PLD2: variants seen among roughly 807,000 people sequenced by gnomAD.
PLD2 encodes choline phosphatase 2.
PLD2 carries 101 observed loss-of-function variants against 119.8 expected under a neutral mutation model. That is an observed-to-expected ratio of 0.84 (90% CI 0.72 to 0.99). The LOEUF is 0.99. Ranked by LOEUF, PLD2 falls within the 50% of genes least tolerant of loss-of-function variation. PLD2 has a pLI of 0.00. For synonymous variants in PLD2, 494 were observed against 482.8 expected (o/e 1.02, Z -0.30); for missense variants, 1,164 against 1,226.8 (o/e 0.95, Z 0.76).
Position 4,817,271 on chromosome 17 carries a change from C to A in PLD2, c.1815+12C>A, listed in dbSNP as rs374293788. On this transcript the variant is annotated intron_variant, in intron 17 of 24. Coordinates refer to ENST00000263088, the MANE Select transcript of PLD2 (RefSeq NM_002663.5). ...GCACCACCGTACAGGTGAGGCCCCC[C>A]ACTTCAGCCAGCCCTCCCCTTTGTC... The A allele has an allele frequency of 5.9e-5, 90 of 1,529,864 alleles. No individual in the cohort carries two copies. Among genetic ancestry groups the A allele is most frequent in the Non-Finnish European group, 7.3e-5 (80 of 1,102,944 alleles). The allele number at this position is 1,529,864 out of a possible 1,614,324, so 94.8% of individuals were successfully genotyped here. A position where few individuals can be genotyped will look rare whatever the true frequency, so the allele number is the denominator to read the frequency against.
In PLD2 at chr17:4,814,865, C is replaced by G. The variant is rs559962377; in HGVS notation, c.1173+154C>G. On this transcript the variant is annotated intron_variant, in intron 12 of 24. Coordinates refer to ENST00000263088, the MANE Select transcript of PLD2 (RefSeq NM_002663.5). ...AGCACCTGTCAGACATCACCTCCGCCCTCTCCCTCTGCCCTAAGGAGAACT... is the reference window on the plus strand; with the variant it reads ...AGCACCTGTCAGACATCACCTCCGCGCTCTCCCTCTGCCCTAAGGAGAACT... Among the ~76,000 whole-genome samples the G allele has an allele frequency of 3.3e-5, 5 of 152,170 alleles. No individual in the cohort carries two copies. In the South Asian group the frequency reaches 1.0e-3, roughly 32 times the overall value.
chr17:4,820,124 AG>A, intron 23 of PLD2, among the ~76,000 whole-genome samples: 2 of 147,682 alleles, frequency 1.4e-5, no homozygotes, highest in East Asian at 4.2e-4. Flanking sequence ...TTGTATTTTT[AG>A]TAGAGATGGG....
At chr17:4,814,247 C>T (rs1015322669) in intron 10 of PLD2, 171 bp from the exon 11 acceptor site, 57 of 926,402 alleles carry the variant, frequency 6.2e-5, no homozygotes, top group Non-Finnish European at 7.7e-5. Flanking sequence ...TTGTATTTAG[C>T]GCATATGGGC....
chr17:4,808,067 GTCACAGCCCA>G lies in PLD2; in HGVS notation c.194_203del (p.Val65GlyfsTer24). 1.2e-6 allele frequency: 2 copies of G among 1,612,244 alleles called. No individual in the cohort carries two copies. Among genetic ancestry groups the G allele is most frequent in the Non-Finnish European group, 1.7e-6 (2 of 1,178,498 alleles). ...CTTGGTGTTCGCACCTGGGGTCCCT[GTCACAGCCCA>G]GGTGGTGGGCACCGAAAGATATACC... On this transcript the variant is annotated frameshift_variant, in exon 3 of 25. Transcript: ENST00000263088. LOFTEE classifies it high-confidence loss of function. This position sits in a 1 kb window ranked among gnomAD's most constrained non-coding sequence, Gnocchi z 4.1.
chr17:4,817,078 G>T, intron 16 of PLD2, 23 bp downstream of exon 16: 2 of 1,608,150 alleles, frequency 1.2e-6, no homozygotes, highest in Non-Finnish European at 1.7e-6. Flanking sequence ...TCCGATAGGG[G>T]CTGGAGGTAG....
At position 4,819,540 on chromosome 17, in the gene PLD2, A is replaced by G. The variant is rs780527965; in HGVS notation, c.2420A>G (p.Gln807Arg). ...EPSLMNGAEY[Q>R]AGRFALSLRK... Reference sequence around the variant, plus strand: ...TCCCTCATGAATGGGGCAGAGTATCAGGCGGGCAGGTTTGCCTTGAGTCTG... The same window carrying G: ...TCCCTCATGAATGGGGCAGAGTATCGGGCGGGCAGGTTTGCCTTGAGTCTG... Residue 807 changes from glutamine to arginine, a missense_variant, in exon 23 of 25, where the codon CAG becomes CGG. Gln to Arg is a conservative substitution (Grantham distance 43). Transcript: ENST00000263088. The surrounding 1 kb of genome is among the most constrained non-coding windows in gnomAD (Gnocchi z 4.2). The G allele has an allele frequency of 6.2e-7, 1 of 1,613,788 alleles. No homozygotes were observed. Among genetic ancestry groups the G allele is most frequent in the Middle Eastern group, 1.6e-4 (1 of 6,062 alleles).
intron 10 of PLD2, among the ~76,000 whole-genome samples, chr17:4,812,170 G>T (rs531170402): frequency 1.3e-5 from 2 of 150,734 alleles, no homozygotes; most frequent in East Asian, 3.9e-4. Context: ...AGGCTAGCGT[G>T]CAGTGGCACA....
rs1907840706 is a variant in PLD2 at position 4,823,049 on chromosome 17, C to G, written c.*185C>G. The G allele has an allele frequency of 1.2e-5, 7 of 573,434 alleles. No homozygotes were observed. Among genetic ancestry groups the G allele is most frequent in the Non-Finnish European group, 1.9e-5 (6 of 321,796 alleles). 35.5% of individuals were successfully genotyped at this position (573,434 alleles called of 1,614,324 possible). A position where few individuals can be genotyped will look rare whatever the true frequency, so the allele number is the denominator to read the frequency against. On this transcript the variant is annotated 3_prime_UTR_variant, in exon 25 of 25. Coordinates refer to ENST00000263088, the MANE Select transcript of PLD2 (RefSeq NM_002663.5). ...AAATAGCTGAAAAGGGCACTCCCAA[C>G]CCTGGGCTGGGGAGGAGGAGAGAGT...
At position 4,819,065 on chromosome 17, in the gene PLD2, T is replaced by C. The variant is rs749203087; in HGVS notation, c.2174-19T>C. Reference sequence around the variant, plus strand: ...CACACAGAGCCACCTCTCACCTCACTTCCCCTCCTGTCACGCAGTGGGGAC... The same window carrying C: ...CACACAGAGCCACCTCTCACCTCACCTCCCCTCCTGTCACGCAGTGGGGAC... On this transcript the variant is annotated intron_variant, in intron 21 of 24. Coordinates refer to ENST00000263088, the MANE Select transcript of PLD2 (RefSeq NM_002663.5). The surrounding 1 kb of genome is among the most constrained non-coding windows in gnomAD (Gnocchi z 4.2). 12 of 1,613,554 alleles carry C rather than the reference T, an allele frequency of 7.4e-6. No individual in the cohort carries two copies. Among genetic ancestry groups the C allele is most frequent in the Non-Finnish European group, 9.3e-6 (11 of 1,179,720 alleles).
intron 17 of PLD2, 57 bp from the exon 18 acceptor site, chr17:4,817,945 G>A (rs749884237): frequency 9.5e-5 from 118 of 1,239,102 alleles, no homozygotes; most frequent in Non-Finnish European, 1.3e-4. Context: ...GCAACAGAGC[G>A]AGACTCTGTC....
Position 4,808,564 on chromosome 17 carries a change from TG to T in PLD2, c.383+149del. ...ACCCCAGTTACCAGGAAACTTTCCC[TG>T]CTCAGCTTTCCCTGTCCATGGTTCT... On this transcript the variant is annotated intron_variant, in intron 4 of 24. Transcript: ENST00000263088. This position sits in a 1 kb window ranked among gnomAD's most constrained non-coding sequence, Gnocchi z 4.1. The T allele has an allele frequency of 1.4e-6, 1 of 735,120 alleles. No homozygotes were observed. The highest frequency in any genetic ancestry group is 2.3e-6 in the Non-Finnish European group (1 of 439,662). 45.5% of individuals were successfully genotyped at this position (735,120 alleles called of 1,614,324 possible).
At chr17:4,817,955 C>A in intron 17 of PLD2, 47 bp from the exon 18 acceptor site, 1 of 1,378,782 alleles carries the variant, frequency 7.3e-7, no homozygotes, top group Non-Finnish European at 1.0e-6. Flanking sequence ...GAGACTCTGT[C>A]TTAAAAAAGA....
At chr17:4,813,112 C>T (rs547422348) in intron 10 of PLD2, among the ~76,000 whole-genome samples, 3 of 152,124 alleles carry the variant, frequency 2.0e-5, no homozygotes, top group African/African-American at 7.2e-5. Context: ...TGGGTTCAAG[C>T]GATTCTCCTG....
In PLD2 at chr17:4,808,270, C is replaced by G. The variant is rs1412982281; in HGVS notation, c.241-4C>G. 1 of 1,613,794 alleles carries G rather than the reference C, an allele frequency of 6.2e-7. No individual in the cohort carries two copies. Among genetic ancestry groups the G allele is most frequent in the South Asian group, 1.1e-5 (1 of 91,064 alleles). On this transcript the variant is annotated splice_polypyrimidine_tract_variant and splice_region_variant and intron_variant, in intron 3 of 24. Transcript: ENST00000263088. The surrounding 1 kb of genome is among the most constrained non-coding windows in gnomAD (Gnocchi z 4.1). Reference sequence around the variant, plus strand: ...GACATCCATTCAGTTCCTCATACCCCTAGGTGGGAACCTGCACTCTGTATT... The same window carrying G: ...GACATCCATTCAGTTCCTCATACCCGTAGGTGGGAACCTGCACTCTGTATT...
intron 21 of PLD2, 32 bp downstream of exon 21, chr17:4,818,855 G>C: frequency 6.2e-7 from 1 of 1,607,354 alleles, no homozygotes; most frequent in Non-Finnish European, 8.5e-7. Flanking sequence ...CTCAAGCCCT[G>C]GGCCCCTGGG....
At chr17:4,820,953 A>C (rs958647875) in intron 23 of PLD2, among the ~76,000 whole-genome samples, 1 of 148,764 alleles carries the variant, frequency 6.7e-6, no homozygotes, top group African/African-American at 2.5e-5. Context: ...CCCACGCTGG[A>C]GTGCAGTGGC....
intron 16 of PLD2, 39 bp downstream of exon 16, chr17:4,817,094 G>A (rs1327832080): frequency 6.2e-7 from 1 of 1,606,430 alleles, no homozygotes; most frequent in East Asian, 2.2e-5. Context: ...GGTAGGGAGG[G>A]AGCCAGGGCA....
At position 4,808,315 on chromosome 17, in the gene PLD2, C is replaced by T. The variant is rs767603199; in HGVS notation, c.282C>T (p.Gly94=). Residue 94 remains glycine (G), a synonymous_variant, in exon 4 of 25, where the codon GGC becomes GGT. Coordinates refer to ENST00000263088, the MANE Select transcript of PLD2 (RefSeq NM_002663.5). The surrounding 1 kb of genome is among the most constrained non-coding windows in gnomAD (Gnocchi z 4.1). The part of the protein sequence containing the change: ...CTLYSVRLTH[G]DFSWTTKKKY... The stretch of plus-strand genomic sequence containing the variant: ...TGTATTCTGTCCGCTTGACTCACGG[C>T]GACTTTTCCTGGACAACCAAGAAGA... 3 of 1,613,900 alleles carry T rather than the reference C, an allele frequency of 1.9e-6. No individual in the cohort carries two copies. The highest frequency in any genetic ancestry group is 1.7e-6 in the Non-Finnish European group (2 of 1,179,942).
intron 13 of PLD2, 85 bp from the exon 14 acceptor site, chr17:4,815,679 T>A (rs1906896172): frequency 6.3e-7 from 1 of 1,595,626 alleles, no homozygotes; most frequent in Non-Finnish European, 8.6e-7. Flanking sequence ...TGGTCTCATC[T>A]TTCCATCTTT....
Sources: allele counts gnomAD v4.1 joint callset (sites outside exome capture counted in the v4.1 genomes callset), GRCh38; gene constraint gnomAD v4.1.1; non-coding constraint Gnocchi (gnomAD v3.1); transcripts MANE v1.5; gene names NCBI Gene and HGNC (gene_info 2026-07-23, HGNC 2026-07-21).